G3BP2: variants seen among roughly 807,000 people sequenced by gnomAD.
G3BP2 encodes the protein G3BP stress granule assembly factor 2.
G3BP2 carries 11 observed loss-of-function variants against 56.7 expected under a neutral mutation model. The ratio of observed to expected loss-of-function variants is 0.19; its 90% CI spans 0.12 to 0.32. G3BP2 has a LOEUF of 0.32. Ranked by LOEUF, G3BP2 falls within the 10% of genes least tolerant of loss-of-function variation. The probability of loss-of-function intolerance (pLI) is 1.00; values close to 1 mark genes in which losing one functional copy is unlikely to be tolerated. For missense variants in G3BP2, 340 were observed against 610.9 expected (o/e 0.56, Z 4.67); for synonymous variants, 165 against 191.6 (o/e 0.86, Z 1.15).
At chr4:75,717,973 T>C (rs944821658) in intron 3 of G3BP2, among the ~76,000 whole-genome samples, 4 of 151,874 alleles carry the variant, frequency 2.6e-5, no homozygotes, top group African/African-American at 9.7e-5. Flanking sequence ...ACCCCGTCTC[T>C]ACTAAAAATA....
At chr4:75,646,571 G>A (rs1404305766) in intron 10 of G3BP2, 115 bp from the exon 11 acceptor site, 6 of 740,696 alleles carry the variant, frequency 8.1e-6, no homozygotes, top group Middle Eastern at 2.6e-4. Flanking sequence ...AATAAAACTC[G>A]CAAGCTTCTA....
At chr4:75,685,283 C>T (rs1322747599) in intron 3 of G3BP2, among the ~76,000 whole-genome samples, 1 of 151,822 alleles carries the variant, frequency 6.6e-6, no homozygotes, top group African/African-American at 2.4e-5. Context: ...CGTGGATCAC[C>T]TGAGGTCAGG....
chr4:75,699,125 T>C (rs1719232506), intron 3 of G3BP2, among the ~76,000 whole-genome samples: 1 of 152,264 alleles, frequency 6.6e-6, no homozygotes, highest in Middle Eastern at 3.4e-3. Flanking sequence ...CTCAAGAACA[T>C]TGCTTCTGTA....
At chr4:75,648,819 C>T (rs552433121) in intron 8 of G3BP2, 78 bp from the exon 9 acceptor site, 2 of 744,600 alleles carry the variant, frequency 2.7e-6, no homozygotes, top group East Asian at 2.7e-5. Context: ...AACGACAAGT[C>T]ACTAGCAGAC....
At chr4:75,674,713 TATATA>T (rs200553550), upstream of G3BP2, among the ~76,000 whole-genome samples, 1,662 of 51,380 alleles carry the variant, frequency 0.032, 39 homozygotes, top group African/African-American at 0.091. Flanking sequence ...TATATATATA[TATATA>T]TTTTTTTTTT....
At chr4:75,705,330 C>T (rs1403660271) in intron 3 of G3BP2, among the ~76,000 whole-genome samples, 1 of 152,238 alleles carries the variant, frequency 6.6e-6, no homozygotes, top group East Asian at 1.9e-4. Context: ...CAGGCCCACA[C>T]AGAGAAACAA....
upstream of G3BP2, among the ~76,000 whole-genome samples, chr4:75,675,275 A>G (rs1025850757): frequency 6.6e-6 from 1 of 152,164 alleles, no homozygotes; most frequent in Non-Finnish European, 1.5e-5. Flanking sequence ...GTGCAATGCT[A>G]TTATAAATAT....
chr4:75,664,909 C>A (rs1512741), intron 1 of G3BP2, among the ~76,000 whole-genome samples: 2,680 of 152,008 alleles, frequency 0.018, 37 homozygotes, highest in Non-Finnish European at 0.029. Flanking sequence ...GTAATCCCAG[C>A]ACTTTGGGAG....
chr4:75,665,287 T>C (rs1247434592), intron 1 of G3BP2, among the ~76,000 whole-genome samples: 1 of 152,216 alleles, frequency 6.6e-6, no homozygotes, highest in Non-Finnish European at 1.5e-5. Context: ...AATCCCCAAA[T>C]CTGTTTAAAA....
At chr4:75,681,608 G>A (rs1473475030) in intron 3 of G3BP2, among the ~76,000 whole-genome samples, 2 of 152,072 alleles carry the variant, frequency 1.3e-5, no homozygotes, top group Non-Finnish European at 2.9e-5. Flanking sequence ...CTAGCACTTT[G>A]GGAGGCTGAG....
intron 3 of G3BP2, among the ~76,000 whole-genome samples, chr4:75,686,043 T>C (rs899036091): frequency 2.0e-5 from 3 of 152,126 alleles, no homozygotes; most frequent in African/African-American, 7.2e-5. Context: ...AATGAGACAA[T>C]TTTTTAAAAT....
chr4:75,682,171 CT>C (rs1046563407), intron 3 of G3BP2, among the ~76,000 whole-genome samples: 2 of 152,114 alleles, frequency 1.3e-5, no homozygotes, highest in African/African-American at 4.8e-5. Context: ...AATCCCAGCA[CT>C]TTGGGAGGCC....
rs147236151 is a variant in G3BP2 at position 75,672,190 on chromosome 4, G to C, written c.-25+1018C>G. On this transcript the variant is annotated intron_variant, in intron 1 of 11. Transcript: ENST00000359707. ...TTTTGTTGTTGTTATGAAGGAAAAG[G>C]CACTCTCCTCCCACCCCCCAAATCC... Among the ~76,000 whole-genome samples the C allele has an allele frequency of 8.1e-4, 124 of 152,198 alleles. 1 individual carries two copies. Among genetic ancestry groups the C allele is most frequent in the Non-Finnish European group, 1.5e-3 (99 of 68,008 alleles).
At chr4:75,711,945 GA>G (rs1365139143) in intron 3 of G3BP2, among the ~76,000 whole-genome samples, 3 of 151,898 alleles carry the variant, frequency 2.0e-5, no homozygotes, top group African/African-American at 7.3e-5. Flanking sequence ...TGTTATTTGT[GA>G]TTATAAAAAA....
chr4:75,717,280 TAAAATA>T (rs1241517429), intron 3 of G3BP2, among the ~76,000 whole-genome samples: 1 of 151,846 alleles, frequency 6.6e-6, no homozygotes, highest in East Asian at 1.9e-4. Context: ...TACAATAAAA[TAAAATA>T]AAAATTAGCT....
At chr4:75,691,692 C>G (rs113893753) in intron 3 of G3BP2, among the ~76,000 whole-genome samples, 1 of 152,166 alleles carries the variant, frequency 6.6e-6, no homozygotes, top group Admixed American at 6.5e-5. Flanking sequence ...CTTGGTTGCA[C>G]GTTGAAATCA....
upstream of G3BP2, among the ~76,000 whole-genome samples, chr4:75,678,150 T>TTGG (rs1467138631): frequency 6.6e-6 from 1 of 151,946 alleles, no homozygotes; most frequent in Non-Finnish European, 1.5e-5. Flanking sequence ...GGTTTTGTTG[T>TTGG]TGTTGTTGTT....
intron 1 of G3BP2, among the ~76,000 whole-genome samples, chr4:75,723,578 G>C (rs1269092863): frequency 1.3e-5 from 2 of 152,226 alleles, no homozygotes; most frequent in Non-Finnish European, 2.9e-5. Context: ...CAGAGTCTAA[G>C]ATTCTTCCCA....
intron 1 of G3BP2, among the ~76,000 whole-genome samples, chr4:75,663,027 ATTATGTCTC>A (rs1347309869): frequency 6.6e-6 from 1 of 152,196 alleles, no homozygotes; most frequent in East Asian, 1.9e-4. Context: ...TACCTTTGAT[ATTATGTCTC>A]TCTTTCTTTC....
Sources: allele counts gnomAD v4.1 joint callset (sites outside exome capture counted in the v4.1 genomes callset), GRCh38; gene constraint gnomAD v4.1.1; transcripts MANE v1.5; gene names NCBI Gene and HGNC (gene_info 2026-07-23, HGNC 2026-07-21).